The following KL variants were observed in gnomAD, a reference collection of about 807,000 sequenced individuals.
KL encodes the protein klotho, also known as alpha-klotho.
In KL, 62 loss-of-function variants were observed where a neutral mutation model predicts 84.2. That is an observed-to-expected ratio of 0.74 (90% CI 0.60 to 0.91). The LOEUF is 0.91. Among genes scored for constraint, KL ranks in the 40% least tolerant of loss-of-function variants. The probability of loss-of-function intolerance (pLI) is 0.00; values close to 1 mark genes in which losing one functional copy is unlikely to be tolerated. For missense variants in KL, 1,261 were observed against 1,305.7 expected (o/e 0.97, Z 0.53); for synonymous variants, 528 against 528.0 (o/e 1.00, Z 0.00).
intron 3 of KL, among the ~76,000 whole-genome samples, chr13:33,059,943 TCTTA>T (rs1872110123): frequency 6.6e-6 from 1 of 152,226 alleles, no homozygotes; most frequent in African/African-American, 2.4e-5. Context: ...CTTTTCATTT[TCTTA>T]CTTAACTCAC....
intron 1 of KL, among the ~76,000 whole-genome samples, chr13:33,034,551 AT>A (rs963693040): frequency 1.3e-5 from 2 of 152,116 alleles, no homozygotes; most frequent in African/African-American, 4.8e-5. Flanking sequence ...AAAAAAAAAA[AT>A]AAATAAAATG....
intron 1 of KL, among the ~76,000 whole-genome samples, chr13:33,041,229 A>G (rs1164605243): frequency 6.6e-6 from 1 of 152,150 alleles, no homozygotes; most frequent in Non-Finnish European, 1.5e-5. Context: ...TATGTTGAGA[A>G]TTGATTAAGA....
intron 1 of KL, among the ~76,000 whole-genome samples, chr13:33,048,147 G>T (rs1871606748): frequency 6.6e-6 from 1 of 151,910 alleles, no homozygotes; most frequent in South Asian, 2.1e-4. Flanking sequence ...CCTTAATTAA[G>T]GGTTTCATTT....
intron 2 of KL, 50 bp from the exon 3 acceptor site, chr13:33,054,997 A>G: frequency 6.2e-7 from 1 of 1,613,126 alleles, no homozygotes; most frequent in Non-Finnish European, 8.5e-7. Flanking sequence ...ACCATGATGC[A>G]AGTGCCCAGC....
intron 3 of KL, among the ~76,000 whole-genome samples, chr13:33,060,236 C>A (rs750908545): frequency 6.6e-5 from 10 of 152,176 alleles, no homozygotes; most frequent in Non-Finnish European, 1.5e-4. Flanking sequence ...TGAGCCACCG[C>A]ACCTGGCCAA....
In KL at chr13:33,054,286, G is replaced by A; in HGVS notation, c.1330+9G>A. The A allele has an allele frequency of 1.2e-6, 2 of 1,612,058 alleles. No homozygotes were observed. The highest frequency in any genetic ancestry group is 1.7e-6 in the Non-Finnish European group (2 of 1,179,426). On this transcript the variant is annotated intron_variant, in intron 2 of 4. Transcript: ENST00000380099. ...CATGGAAACCTTAAAAGGTATGATT[G>A]TGGGTAAAGTTCTCATTTCCTGCCA...
chr13:33,019,555 T>A (rs1481790736), intron 1 of KL, among the ~76,000 whole-genome samples: 2 of 152,022 alleles, frequency 1.3e-5, no homozygotes, highest in Non-Finnish European at 2.9e-5. Context: ...ATGGGAAGCT[T>A]GACCCCTCCT....
In KL at chr13:33,055,155, A is replaced by G. The variant is rs2138234418; in HGVS notation, c.1439A>G (p.Asp480Gly). 1 of 1,614,170 alleles carries G rather than the reference A, an allele frequency of 6.2e-7. No individual in the cohort carries two copies. Among genetic ancestry groups the G allele is most frequent in the Non-Finnish European group, 8.5e-7 (1 of 1,180,032 alleles). The change falls in exon 3 of 5, where the codon GAC (aspartate) becomes GGC (glycine). Residue 480 changes from aspartate to glycine, a missense_variant. Asp to Gly is a moderately conservative substitution (Grantham distance 94). Transcript: ENST00000380099. ...YSIRRGLFYV[D>G]FLSQDKMLLP... ...ATCAGGCGTGGACTCTTCTATGTTG[A>G]CTTTCTAAGCCAGGACAAGATGTTG...
chr13:33,017,011 C>T lies in KL; in HGVS notation c.571C>T (p.Leu191=). Reference sequence around the variant, plus strand: ...GCTGGGCGTGCAGCCCGTGGTCACCCTGTACCACTGGGACCTGCCCCAGCG... The same window carrying T: ...GCTGGGCGTGCAGCCCGTGGTCACCTTGTACCACTGGGACCTGCCCCAGCG... ...RELGVQPVVT[L]YHWDLPQRLQ... is the part of the protein sequence containing the mutation. The change falls in exon 1 of 5, where the codon CTG becomes TTG. Residue 191 remains leucine (L), a synonymous_variant. Transcript: ENST00000380099. 1 of 1,595,138 alleles carries T rather than the reference C, an allele frequency of 6.3e-7. No individual in the cohort carries two copies. Among genetic ancestry groups the T allele is most frequent in the African/African-American group, 1.3e-5 (1 of 74,904 alleles).
chr13:33,055,366 G>GT, intron 3 of KL, 51 bp downstream of exon 3: 1 of 1,608,628 alleles, frequency 6.2e-7, no homozygotes, highest in South Asian at 1.1e-5. Context: ...CCTATCACTA[G>GT]TAAGTAGTGC....
At chr13:33,035,954 T>G (rs1230935844) in intron 1 of KL, among the ~76,000 whole-genome samples, 3 of 152,180 alleles carry the variant, frequency 2.0e-5, no homozygotes, top group African/African-American at 7.2e-5. Flanking sequence ...TTGAAGGAAG[T>G]TTTTATTTAA....
At chr13:33,058,802 C>CA (rs1175602479) in intron 3 of KL, among the ~76,000 whole-genome samples, 1 of 151,674 alleles carries the variant, frequency 6.6e-6, no homozygotes, top group Non-Finnish European at 1.5e-5. Flanking sequence ...AAAAATAATC[C>CA]AAAAAATTCC....
At chr13:33,031,086 C>A (rs1051748295) in intron 1 of KL, among the ~76,000 whole-genome samples, 13 of 152,258 alleles carry the variant, frequency 8.5e-5, no homozygotes, top group Non-Finnish European at 1.6e-4. Flanking sequence ...AGAACATGAG[C>A]TTTTAACTTT....
intron 1 of KL, among the ~76,000 whole-genome samples, chr13:33,051,211 C>T (rs1871736478): frequency 6.6e-6 from 1 of 152,142 alleles, no homozygotes; most frequent in African/African-American, 2.4e-5. Flanking sequence ...TTAGATTTAC[C>T]TGCCCAAATT....
chr13:33,036,415 C>CCACA (rs71196504), intron 1 of KL, among the ~76,000 whole-genome samples: 26,278 of 151,350 alleles, frequency 0.17, 2,413 homozygotes, highest in African/African-American at 0.24. Context: ...ACACACCACA[C>CCACA]CACACACACA....
intron 1 of KL, among the ~76,000 whole-genome samples, chr13:33,041,636 C>T (rs997679637): frequency 6.6e-6 from 1 of 151,948 alleles, no homozygotes; most frequent in Non-Finnish European, 1.5e-5. Flanking sequence ...AGATAATTTG[C>T]CCAAGGTCCC....
chr13:33,057,889 T>G (rs776223535), intron 3 of KL, among the ~76,000 whole-genome samples: 1 of 152,216 alleles, frequency 6.6e-6, no homozygotes, highest in Non-Finnish European at 1.5e-5. Flanking sequence ...AGACATTATA[T>G]TAAAGTCCTG....
At position 33,050,709 on chromosome 13, in the gene KL, A is replaced by G. The variant is rs1011854486; in HGVS notation, c.820-3058A>G. ...ACCACCAAGTTAGGATGCTGTAAAG[A>G]GTAATCAAATAAGTTTCAACAGGGT... On this transcript the variant is annotated intron_variant, in intron 1 of 4. Coordinates refer to ENST00000380099, the MANE Select transcript of KL (RefSeq NM_004795.4). 2.0e-5 allele frequency among the ~76,000 whole-genome samples: 3 copies of G among 152,222 alleles called. No individual in the cohort carries two copies. In the East Asian group the frequency reaches 5.8e-4, roughly 29 times the overall value.
chr13:33,044,006 A>T (rs975174392), intron 1 of KL, among the ~76,000 whole-genome samples: 1 of 152,154 alleles, frequency 6.6e-6, no homozygotes, highest in South Asian at 2.1e-4. Flanking sequence ...TGGATCTATG[A>T]TCTGTCTCAA....
Sources: gnomAD v4.1 joint callset for allele counts (sites outside exome capture counted in the v4.1 genomes callset) on GRCh38, gnomAD v4.1.1 for gene constraint, MANE v1.5 for transcripts, NCBI Gene and HGNC (gene_info 2026-07-23, HGNC 2026-07-21) for gene names.